The following NFYA variants were observed in gnomAD, a reference collection of about 807,000 sequenced individuals.
NFYA encodes the protein nuclear transcription factor Y subunit alpha, also known as CAAT-box DNA binding protein subunit A.
NFYA carries 28 observed loss-of-function variants against 52.8 expected under a neutral mutation model. That is an observed-to-expected ratio of 0.53 (90% confidence interval 0.39 to 0.73). The LOEUF is 0.73. NFYA is among the 30% of genes least tolerant of loss of function. The pLI is 0.00. For synonymous variants in NFYA, 150 were observed against 150.7 expected, an observed-to-expected ratio of 1.00 and a Z score of 0.03; for missense variants, 234 against 427.0, an observed-to-expected ratio of 0.55 and a Z score of 3.98.
rs1763834545 is a variant in NFYA, at chr6:41,079,085, G to A, written c.-5G>A. ...GAGTGGACAGGAATCTCACTTGGAGGGACCATGGAGCAGTATACAGCAAAC... is the reference window on the plus strand; with the variant it reads ...GAGTGGACAGGAATCTCACTTGGAGAGACCATGGAGCAGTATACAGCAAAC... On this transcript the variant is annotated 5_prime_UTR_variant, in exon 2 of 10. Coordinates refer to ENST00000341376, the MANE Select transcript of NFYA (RefSeq NM_002505.5). The A allele has an allele frequency of 1.9e-6, 3 of 1,613,764 alleles. No homozygotes were observed. In the African/African-American group the frequency reaches 4.0e-5, roughly 22 times the overall value.
intron 4 of NFYA, among the ~76,000 whole-genome samples, chr6:41,084,511 A>G (rs971585910): frequency 2.0e-5 from 3 of 152,266 alleles, no homozygotes; most frequent in Non-Finnish European, 4.4e-5. Context: ...AAAAATAACA[A>G]AACGAGCAAA....
chr6:41,091,487 G>A (rs1489926778), intron 6 of NFYA, 41 bp from the exon 7 acceptor site: 3 of 1,597,592 alleles, frequency 1.9e-6, no homozygotes, highest in Non-Finnish European at 1.7e-6. Flanking sequence ...TCTGTTCTGT[G>A]TGCCTGTTTT....
chr6:41,075,890 C>G (rs1376881502), intron 1 of NFYA, among the ~76,000 whole-genome samples: 1 of 152,150 alleles, frequency 6.6e-6, no homozygotes, highest in South Asian at 2.1e-4. Flanking sequence ...TCAGAGATTT[C>G]TTTTTATTTT....
At position 41,101,506 on chromosome 6, in the gene NFYA, C is replaced by T. The variant is rs1764501286; in HGVS notation, c.*4096C>T. Among the ~76,000 whole-genome samples the T allele has an allele frequency of 6.6e-6, 1 of 152,150 alleles. No individual in the cohort carries two copies. Among genetic ancestry groups the T allele is most frequent in the Admixed American group, 6.5e-5 (1 of 15,278 alleles). ...CCCCGAGCATTTTCTATTAAGCGTTCTGTTTCAATTATTTTATTCGTTCAG... is the reference window on the plus strand; with the variant it reads ...CCCCGAGCATTTTCTATTAAGCGTTTTGTTTCAATTATTTTATTCGTTCAG... On this transcript the variant is annotated 3_prime_UTR_variant, in exon 10 of 10. Transcript: ENST00000341376.
At chr6:41,090,024 C>T (rs563080509) in intron 5 of NFYA, among the ~76,000 whole-genome samples, 180 bp from the exon 6 acceptor site, 3 of 152,194 alleles carry the variant, frequency 2.0e-5, no homozygotes, top group South Asian at 2.1e-4. Flanking sequence ...GGCAGAGAAT[C>T]GCTTGAACCC....
intron 9 of NFYA, among the ~76,000 whole-genome samples, chr6:41,096,546 C>T (rs1764362219): frequency 1.3e-5 from 2 of 152,214 alleles, no homozygotes; most frequent in Non-Finnish European, 2.9e-5. Flanking sequence ...ATACCTAGTG[C>T]ATGGTGAGTT....
chr6:41,091,245 G>A (rs1455756852), intron 6 of NFYA, among the ~76,000 whole-genome samples: 1 of 152,212 alleles, frequency 6.6e-6, no homozygotes, highest in Non-Finnish European at 1.5e-5. Context: ...AGACTGACCT[G>A]TAGAAGAGGA....
intron 2 of NFYA, 103 bp downstream of exon 2, chr6:41,079,267 G>A (rs1254960755): frequency 9.4e-7 from 1 of 1,064,368 alleles, no homozygotes; most frequent in African/African-American, 1.5e-5. Context: ...AAAGATACCA[G>A]ATCTTGTGAG....
chr6:41,088,243 C>G (rs1764098175), intron 4 of NFYA, among the ~76,000 whole-genome samples: 1 of 151,628 alleles, frequency 6.6e-6, no homozygotes, highest in Non-Finnish European at 1.5e-5. Flanking sequence ...ACAGTGAAAC[C>G]CCGTCTCTAC....
At chr6:41,083,542 T>C (rs1157727852) in intron 3 of NFYA, among the ~76,000 whole-genome samples, 2 of 152,188 alleles carry the variant, frequency 1.3e-5, no homozygotes, top group Non-Finnish European at 2.9e-5. Context: ...GGTCATCCTC[T>C]ACATAAGCTT....
At position 41,101,124 on chromosome 6, in the gene NFYA, T is replaced by A. The variant is rs535726773; in HGVS notation, c.*3714T>A. 8 of 152,330 alleles carry A rather than the reference T, an allele frequency of 5.3e-5. No homozygotes were observed. The East Asian group carries it at 1.5e-3, about 29-fold the overall frequency. 9.4% of individuals were successfully genotyped at this position (152,330 alleles called of 1,614,324 possible). A position where few individuals can be genotyped will look rare whatever the true frequency, so the allele number is the denominator to read the frequency against. The stretch of plus-strand genomic sequence containing the variant: ...ACTGGTCTTTCGGAAGCCTCGGGGA[T>A]GGGAACCCGAGCTCGCCACGGCCCA... On this transcript the variant is annotated 3_prime_UTR_variant, in exon 10 of 10. Coordinates refer to ENST00000341376, the MANE Select transcript of NFYA (RefSeq NM_002505.5).
intron 7 of NFYA, among the ~76,000 whole-genome samples, 174 bp downstream of exon 7, chr6:41,091,868 A>G (rs974820229): frequency 1.3e-5 from 2 of 152,196 alleles, no homozygotes; most frequent in African/African-American, 4.8e-5. Context: ...CTGAGCACCT[A>G]CTATGTGCCA....
Position 41,099,196 on chromosome 6 carries a change from T to C in NFYA, c.*1786T>C, listed in dbSNP as rs1429751219. 6.6e-6 allele frequency: 1 copy of C among 152,202 alleles called. No homozygotes were observed. Among genetic ancestry groups the C allele is most frequent in the Non-Finnish European group, 1.5e-5 (1 of 68,042 alleles). 9.4% of individuals were successfully genotyped at this position (152,202 alleles called of 1,614,324 possible). A position where few individuals can be genotyped will look rare whatever the true frequency, so the allele number is the denominator to read the frequency against. ...ATCCTTTGGTAAGCTCACTAGAAAC[T>C]TCTAGCTCTACAAGAGTTTGGGATA... On this transcript the variant is annotated 3_prime_UTR_variant, in exon 10 of 10. Transcript: ENST00000341376.
rs1346964097 is a variant in NFYA at position 41,098,217 on chromosome 6, G to C, written c.*807G>C. Reference sequence around the variant, plus strand: ...TAAACCTTGAAACTGCCTTTCCTAAGTAGAGAACAAGACTATTCAACAACT... The same window carrying C: ...TAAACCTTGAAACTGCCTTTCCTAACTAGAGAACAAGACTATTCAACAACT... On this transcript the variant is annotated 3_prime_UTR_variant, in exon 10 of 10. Coordinates refer to ENST00000341376, the MANE Select transcript of NFYA (RefSeq NM_002505.5). 1 of 152,656 alleles carries C rather than the reference G, an allele frequency of 6.6e-6. No individual in the cohort carries two copies. The highest frequency in any genetic ancestry group is 1.5e-5 in the Non-Finnish European group (1 of 68,050). The allele number at this position is 152,656 out of a possible 1,614,324, so 9.5% of individuals were successfully genotyped here.
chr6:41,099,190 A>C lies in NFYA; in HGVS notation c.*1780A>C, dbSNP rs1764436562. The C allele has an allele frequency of 6.6e-6, 1 of 152,230 alleles. No homozygotes were observed. The highest frequency in any genetic ancestry group is 2.1e-4 in the South Asian group (1 of 4,830). 9.4% of individuals were successfully genotyped at this position (152,230 alleles called of 1,614,324 possible). A position where few individuals can be genotyped will look rare whatever the true frequency, so the allele number is the denominator to read the frequency against. ...GGACTGATCCTTTGGTAAGCTCACT[A>C]GAAACTTCTAGCTCTACAAGAGTTT... On this transcript the variant is annotated 3_prime_UTR_variant, in exon 10 of 10. Transcript: ENST00000341376.
At position 41,100,499 on chromosome 6, in the gene NFYA, A is replaced by G. The variant is rs1239398996; in HGVS notation, c.*3089A>G. Among the ~76,000 whole-genome samples the G allele has an allele frequency of 1.3e-5, 2 of 151,116 alleles. No individual in the cohort carries two copies. Among genetic ancestry groups the G allele is most frequent in the South Asian group, 2.1e-4 (1 of 4,794 alleles). On this transcript the variant is annotated 3_prime_UTR_variant, in exon 10 of 10. Transcript: ENST00000341376. ...TGCCATTATCAACACACAAGAGACA[A>G]ACAGCCCGAGGAAGCACTCAATGAT...
rs777320993 is a variant in NFYA at position 41,080,678 on chromosome 6, A to G, written c.76-133A>G. On this transcript the variant is annotated intron_variant, in intron 2 of 9. Transcript: ENST00000341376. ...TACTACCTTCAACAAAACAGCTTCA[A>G]TATAGGGAGTCTGTACATTTTGAAA... 26 of 656,026 alleles carry G rather than the reference A, an allele frequency of 4.0e-5. 1 individual carries two copies. Among genetic ancestry groups the G allele is most frequent in the Non-Finnish European group, 6.2e-5 (23 of 373,104 alleles). The allele number at this position is 656,026 out of a possible 1,614,324, so 40.6% of individuals were successfully genotyped here.
intron 1 of NFYA, among the ~76,000 whole-genome samples, chr6:41,075,919 G>A (rs972445260): frequency 1.3e-5 from 2 of 152,128 alleles, no homozygotes; most frequent in African/African-American, 4.8e-5. Context: ...TCAGAACAGT[G>A]TCTGGCACAT....
Position 41,073,320 on chromosome 6 carries a change from G to C in NFYA, c.-62+236G>C, listed in dbSNP as rs111557349. Among the ~76,000 whole-genome samples the C allele has an allele frequency of 8.7e-3, 1,324 of 151,832 alleles. 18 individuals carry two copies. Among genetic ancestry groups the C allele is most frequent in the African/African-American group, 0.03 (1,233 of 41,492 alleles). On this transcript the variant is annotated intron_variant, in intron 1 of 9. Transcript: ENST00000341376. ...GCGGGGATGGCGCCTCGGGGAGCAG[G>C]CACCTCGGGGCTCCGACCCTCGCAG... is the stretch of plus-strand genomic sequence containing the variant.
Sources: gnomAD v4.1 joint callset for allele counts (sites outside exome capture counted in the v4.1 genomes callset) on GRCh38, gnomAD v4.1.1 for gene constraint, MANE v1.5 for transcripts, NCBI Gene and HGNC (gene_info 2026-07-23, HGNC 2026-07-21) for gene names.